The following CCDC77 variants were observed in gnomAD, a reference collection of about 807,000 sequenced individuals.
CCDC77 encodes the protein coiled-coil domain-containing protein 77.
Under a neutral mutation model 66.8 loss-of-function variants are expected in CCDC77, and 56 were observed. The ratio of observed to expected loss-of-function variants is 0.84; its 90% CI spans 0.68 to 1.05. The LOEUF (loss-of-function observed/expected upper bound fraction) is 1.05. CCDC77 is among the 50% of genes least tolerant of loss of function. The pLI is 0.00. For synonymous variants in CCDC77, 196 were observed against 195.2 expected (o/e 1.00, Z -0.03); for missense variants, 570 against 576.8 (o/e 0.99, Z 0.12).
chr12:409,524 T>G lies in CCDC77; in HGVS notation c.38+103T>G, dbSNP rs1278518337. The G allele has an allele frequency of 7.2e-6, 8 of 1,115,012 alleles. No individual in the cohort carries two copies. In the Admixed American group the frequency reaches 1.6e-4, roughly 22 times the overall value. The allele number at this position is 1,115,012 out of a possible 1,614,324, so 69.1% of individuals were successfully genotyped here. A position where few individuals can be genotyped will look rare whatever the true frequency, so the allele number is the denominator to read the frequency against. ...GGTATTGGAAACATATTTCCTAAAG[T>G]TTTTTTTCTTTGAGACAGAGTTTCA... On this transcript the variant is annotated intron_variant, in intron 3 of 12. Coordinates refer to ENST00000239830, the MANE Select transcript of CCDC77 (RefSeq NM_032358.4).
Position 438,484 on chromosome 12 carries a change from A to C in CCDC77, c.971A>C (p.Lys324Thr), listed in dbSNP as rs1434347095. 2 of 1,614,146 alleles carry C rather than the reference A, an allele frequency of 1.2e-6. No individual in the cohort carries two copies. The highest frequency in any genetic ancestry group is 2.7e-5 in the African/African-American group (2 of 75,056). The change falls in exon 10 of 13, where the codon AAA becomes ACA. Residue 324 changes from lysine to threonine, a missense_variant. Lys to Thr is a moderately conservative substitution (Grantham distance 78). Transcript: ENST00000239830. ...IKQYRVQCKK[K>T]EDKIGKVLPV... The stretch of plus-strand genomic sequence containing the variant: ...CAATATAGGGTGCAGTGTAAGAAGA[A>C]AGAAGATAAAATTGGAAAAGTGTTG...
At chr12:389,929 T>A (rs375599751) in intron 1 of CCDC77, 8 of 152,406 alleles carry the variant, frequency 5.2e-5, no homozygotes, top group East Asian at 3.9e-4. Context: ...TCCTGCCAGC[T>A]GGCTTTAGCC....
chr12:390,513 C>T lies in CCDC77; in HGVS notation c.-113+1027C>T, dbSNP rs377159332. 2.5e-3 allele frequency among the ~76,000 whole-genome samples: 377 copies of T among 152,238 alleles called. 1 individual carries two copies. Among genetic ancestry groups the T allele is most frequent in the South Asian group, 0.024 (116 of 4,824 alleles). ...GGGACTTTGAATAACGCAGATTGCC[C>T]TCCATAATGTGAGTAGGCCTTATCC... is the stretch of plus-strand genomic sequence containing the variant. On this transcript the variant is annotated intron_variant, in intron 1 of 11. Coordinates refer to the CCDC77 transcript ENST00000422000.
At chr12:389,570 G>GGGT (rs1565557522) in intron 1 of CCDC77, 14 of 238,146 alleles carry the variant, frequency 5.9e-5, no homozygotes, top group Non-Finnish European at 5.1e-5. Flanking sequence ...GGGGCGAGGC[G>GGGT]CAACGAGGCG....
chr12:429,608 A>C (rs1346942792), intron 6 of CCDC77, among the ~76,000 whole-genome samples: 6 of 151,674 alleles, frequency 4.0e-5, no homozygotes, highest in African/African-American at 1.5e-4. Flanking sequence ...ACAGGTGTAC[A>C]CCACCACGCC....
chr12:433,664 A>T (rs1359096330), intron 9 of CCDC77, among the ~76,000 whole-genome samples: 10 of 152,050 alleles, frequency 6.6e-5, no homozygotes, highest in Admixed American at 1.3e-4. Context: ...AAAAAAAAAA[A>T]AAGTGTTCTT....
At chr12:411,180 GTT>G (rs5795916) in intron 3 of CCDC77, among the ~76,000 whole-genome samples, 111 of 145,780 alleles carry the variant, frequency 7.6e-4, no homozygotes, top group Non-Finnish European at 9.5e-4. Flanking sequence ...CTTTCAATTT[GTT>G]TTTTTTTTTT....
chr12:423,477 G>GTT lies in CCDC77; in HGVS notation c.413+4842_413+4843insTT, dbSNP rs1565572179. 1.0e-3 allele frequency among the ~76,000 whole-genome samples: 26 copies of GTT among 24,954 alleles called. 1 individual carries two copies. Among genetic ancestry groups the GTT allele is most frequent in the South Asian group, 1.9e-3 (1 of 516 alleles). 16.4% of individuals were successfully genotyped at this position (24,954 alleles called of 152,430 possible). A position where few individuals can be genotyped will look rare whatever the true frequency, so the allele number is the denominator to read the frequency against. ...TTTCTGGGTGTTTTTTGTGTTTTTT[G>GTT]TGTTTTTTTTTGTTTTGTTTTTTTT... is the stretch of plus-strand genomic sequence containing the variant. On this transcript the variant is annotated intron_variant, in intron 5 of 12. Coordinates refer to ENST00000239830, the MANE Select transcript of CCDC77 (RefSeq NM_032358.4).
At chr12:412,187 A>C (rs544008890) in intron 4 of CCDC77, among the ~76,000 whole-genome samples, 1 of 152,306 alleles carries the variant, frequency 6.6e-6, no homozygotes, top group East Asian at 1.9e-4. Context: ...TGACATCTCC[A>C]TATCTCTTAT....
At chr12:407,072 G>A (rs923200619) in intron 2 of CCDC77, among the ~76,000 whole-genome samples, 1 of 152,242 alleles carries the variant, frequency 6.6e-6, no homozygotes, top group Admixed American at 6.5e-5. Flanking sequence ...TTGTGTGGCT[G>A]AGGGGAGAGG....
At chr12:407,387 G>A (rs894322854) in intron 2 of CCDC77, among the ~76,000 whole-genome samples, 11 of 152,200 alleles carry the variant, frequency 7.2e-5, no homozygotes, top group African/African-American at 2.7e-4. Context: ...GCAGGTTTTT[G>A]TGGTGGGAGG....
intron 9 of CCDC77, 97 bp downstream of exon 9, chr12:433,419 C>CT: frequency 6.6e-7 from 1 of 1,508,056 alleles, no homozygotes; most frequent in Non-Finnish European, 8.9e-7. Context: ...GGTCATAGAA[C>CT]TAAAGGGAGC....
At chr12:407,932 T>C (rs1288960269) in intron 2 of CCDC77, among the ~76,000 whole-genome samples, 1 of 151,794 alleles carries the variant, frequency 6.6e-6, no homozygotes, top group Non-Finnish European at 1.5e-5. Context: ...GGACTACGGG[T>C]GCCTGCCACG....
chr12:422,405 G>A (rs1945418118), intron 5 of CCDC77, among the ~76,000 whole-genome samples: 1 of 152,218 alleles, frequency 6.6e-6, no homozygotes, highest in Admixed American at 6.5e-5. Context: ...AACTGAAATT[G>A]TATACTCATT....
chr12:438,416 G>A lies in CCDC77; in HGVS notation c.903G>A (p.Lys301=). 6.2e-7 allele frequency: 1 copy of A among 1,614,020 alleles called. No individual in the cohort carries two copies. Among genetic ancestry groups the A allele is most frequent in the Non-Finnish European group, 8.5e-7 (1 of 1,179,906 alleles). ...GATCTGAAAACCAAAATAAAGAGAAGTCATGGATGCTTGAAAAAGATAATT... is the reference window on the plus strand; with the variant it reads ...GATCTGAAAACCAAAATAAAGAGAAATCATGGATGCTTGAAAAAGATAATT... The part of the protein sequence containing the change: ...QLRSENQNKE[K]SWMLEKDNLM... Residue 301 remains lysine (K), a synonymous_variant, in exon 10 of 13, where the codon AAG becomes AAA. Coordinates refer to ENST00000239830, the MANE Select transcript of CCDC77 (RefSeq NM_032358.4).
intron 9 of CCDC77, among the ~76,000 whole-genome samples, chr12:437,446 TATAAGAC>T (rs1238477483): frequency 6.6e-6 from 1 of 152,174 alleles, no homozygotes; most frequent in Non-Finnish European, 1.5e-5. Context: ...AGTGTTGAAT[TATAAGAC>T]AAGGGAACAT....
chr12:418,414 G>C (rs549313028), intron 4 of CCDC77, 80 bp from the exon 5 acceptor site: 2 of 1,376,444 alleles, frequency 1.5e-6, no homozygotes, highest in South Asian at 2.5e-5. Context: ...TTCTACATGA[G>C]TAGACTCCTC....
At chr12:395,758 G>C (rs1206420363) in intron 1 of CCDC77, among the ~76,000 whole-genome samples, 2 of 152,110 alleles carry the variant, frequency 1.3e-5, no homozygotes, top group Non-Finnish European at 2.9e-5. Flanking sequence ...GCTGGGCGTC[G>C]TGGTGCATGC....
chr12:440,498 T>G, intron 10 of CCDC77, 119 bp from the exon 11 acceptor site: 5 of 1,159,852 alleles, frequency 4.3e-6, no homozygotes, highest in Non-Finnish European at 6.0e-6. Context: ...ATCTGGTTCC[T>G]TAACTCATTT....
Sources: allele counts gnomAD v4.1 joint callset (sites outside exome capture counted in the v4.1 genomes callset), GRCh38; gene constraint gnomAD v4.1.1; transcripts MANE v1.5; gene names NCBI Gene and HGNC (gene_info 2026-07-23, HGNC 2026-07-21).